Variants in CAMTA1 observed in about 807,000 individuals in gnomAD.
CAMTA1 encodes calmodulin binding transcription activator 1.
A neutral mutation model predicts 170.9 loss-of-function variants in CAMTA1; 27 were observed. That is an observed-to-expected ratio of 0.16 (90% CI 0.12 to 0.22). The LOEUF is 0.22. Among genes scored for constraint, CAMTA1 ranks in the 10% least tolerant of loss-of-function variants. The pLI, the probability that CAMTA1 is intolerant of heterozygous loss-of-function variation, is 1.00. For synonymous variants in CAMTA1, 833 were observed against 891.5 expected, an observed-to-expected ratio of 0.93 and a Z score of 1.17; for missense variants, 1,619 against 2,217.2, an observed-to-expected ratio of 0.73 and a Z score of 5.42.
At chr1:7,725,566 T>C (rs2096679407) in intron 11 of CAMTA1, among the ~76,000 whole-genome samples, 1 of 152,252 alleles carries the variant, frequency 6.6e-6, no homozygotes, top group Admixed American at 6.5e-5. Flanking sequence ...TCTCTGCTTC[T>C]GTTTGAGCAG....
At position 7,680,807 on chromosome 1, in the gene CAMTA1, GC is replaced by G. The variant is rs200936061; in HGVS notation, c.2914+3076del. Among the ~76,000 whole-genome samples the G allele has an allele frequency of 9.0e-4, 87 of 96,316 alleles. 1 individual carries two copies. In the East Asian group the frequency reaches 0.021, roughly 23 times the overall value. The allele number at this position is 96,316 out of a possible 152,430, so 63.2% of individuals were successfully genotyped here. On this transcript the variant is annotated intron_variant, in intron 11 of 22. Coordinates refer to ENST00000303635, the MANE Select transcript of CAMTA1 (RefSeq NM_015215.4). This position sits in a 1 kb window ranked among gnomAD's most constrained non-coding sequence, Gnocchi z 4.4. ...CATGAATTTGTTTGCTTGGCTAAAG[GC>G]CGGGGGGGGGCGTGGGTCCGGGGCG...
At chr1:7,624,144 A>C (rs1403496329) in intron 6 of CAMTA1, among the ~76,000 whole-genome samples, 1 of 152,222 alleles carries the variant, frequency 6.6e-6, no homozygotes, top group Non-Finnish European at 1.5e-5. Flanking sequence ...AGCCGTGGTA[A>C]GACCTAAAAA....
intron 3 of CAMTA1, among the ~76,000 whole-genome samples, chr1:6,997,494 C>A (rs1456150742): frequency 6.6e-6 from 1 of 152,066 alleles, no homozygotes; most frequent in Non-Finnish European, 1.5e-5. Flanking sequence ...GCTCTTCGGG[C>A]AGCCTCTCAA....
At chr1:7,276,799 A>G (rs890640019) in intron 5 of CAMTA1, among the ~76,000 whole-genome samples, 6 of 152,230 alleles carry the variant, frequency 3.9e-5, no homozygotes, top group Non-Finnish European at 7.3e-5. Context: ...TGCAGACAAC[A>G]TGATCATGTG....
At chr1:7,672,628 G>C (rs554376028) in intron 10 of CAMTA1, among the ~76,000 whole-genome samples, 175 of 152,166 alleles carry the variant, frequency 1.2e-3, no homozygotes, top group African/African-American at 4.0e-3. Context: ...CACCATGTTG[G>C]CCAGGCTGGT....
intron 6 of CAMTA1, among the ~76,000 whole-genome samples, chr1:7,630,303 C>T (rs2095660711): frequency 6.6e-6 from 1 of 152,182 alleles, no homozygotes; most frequent in Non-Finnish European, 1.5e-5. Flanking sequence ...TTTATCTGCT[C>T]AGCGAGAGTG....
intron 3 of CAMTA1, among the ~76,000 whole-genome samples, chr1:6,932,656 C>T (rs1204963410): frequency 6.6e-6 from 1 of 152,188 alleles, no homozygotes; most frequent in African/African-American, 2.4e-5. Flanking sequence ...GCCAACCCTT[C>T]CTACGGTCAG....
At chr1:7,384,044 C>T (rs1416162199) in intron 5 of CAMTA1, among the ~76,000 whole-genome samples, 1 of 152,190 alleles carries the variant, frequency 6.6e-6, no homozygotes, top group African/African-American at 2.4e-5. Context: ...CGGGACTGGG[C>T]TGCCACGCCC....
At position 6,965,036 on chromosome 1, in the gene CAMTA1, G is replaced by A. The variant is rs1418654092; in HGVS notation, c.235-126268G>A. Among the ~76,000 whole-genome samples, 1 of 152,232 alleles carries A rather than the reference G, an allele frequency of 6.6e-6. No individual in the cohort carries two copies. Among genetic ancestry groups the A allele is most frequent in the Non-Finnish European group, 1.5e-5 (1 of 68,038 alleles). On this transcript the variant is annotated intron_variant, in intron 3 of 22. Transcript: ENST00000303635. The surrounding 1 kb of genome is among the most constrained non-coding windows in gnomAD (Gnocchi z 4.1). ...ACTTAGAGTCTGTGCTAACAGAGAGGGAGGGTCTTGTCTGGGAGACTTGCC... is the reference window on the plus strand; with the variant it reads ...ACTTAGAGTCTGTGCTAACAGAGAGAGAGGGTCTTGTCTGGGAGACTTGCC...
intron 5 of CAMTA1, among the ~76,000 whole-genome samples, chr1:7,424,859 GATA>G (rs1250193964): frequency 6.6e-6 from 1 of 152,074 alleles, no homozygotes; most frequent in Non-Finnish European, 1.5e-5. Flanking sequence ...CTGACATAAA[GATA>G]ATAATGTGTG....
rs910855259 is a variant in CAMTA1 at position 7,413,669 on chromosome 1, G to C, written c.439-54161G>C. On this transcript the variant is annotated intron_variant, in intron 5 of 22. Coordinates refer to ENST00000303635, the MANE Select transcript of CAMTA1 (RefSeq NM_015215.4). ...AGGAGATTTTGGGCTGAGACAATGG[G>C]GTTTTCTAGATATACAATCATGTCA... 4.6e-5 allele frequency among the ~76,000 whole-genome samples: 7 copies of C among 152,150 alleles called. 1 individual carries two copies. In the East Asian group the frequency reaches 1.2e-3, roughly 25 times the overall value.
At chr1:7,639,023 G>T (rs2095738869) in intron 6 of CAMTA1, among the ~76,000 whole-genome samples, 1 of 152,180 alleles carries the variant, frequency 6.6e-6, no homozygotes, top group South Asian at 2.1e-4. Flanking sequence ...CTGTTGCCCA[G>T]GCTGGAGTGC....
intron 5 of CAMTA1, among the ~76,000 whole-genome samples, chr1:7,272,065 G>T (rs545786077): frequency 8.5e-4 from 129 of 151,900 alleles, no homozygotes; most frequent in Middle Eastern, 6.8e-3. Flanking sequence ...TAGAAGAGGA[G>T]GGAACATTTC....
rs963389603 is a variant in CAMTA1 at position 7,240,340 on chromosome 1, T to C, written c.303-9151T>C. On this transcript the variant is annotated intron_variant, in intron 4 of 22. Transcript: ENST00000303635. ...TTTTCTTTTTTTATTTTTTTAGTTT[T>C]CAAAATAATGTATTGGGTCACTAGC... 4.6e-5 allele frequency among the ~76,000 whole-genome samples: 7 copies of C among 152,288 alleles called. No individual in the cohort carries two copies. In the East Asian group the frequency reaches 9.7e-4, roughly 21 times the overall value.
At chr1:7,716,134 G>T (rs997054258) in intron 11 of CAMTA1, among the ~76,000 whole-genome samples, 2 of 152,170 alleles carry the variant, frequency 1.3e-5, no homozygotes, top group Non-Finnish European at 2.9e-5. Context: ...CTGGGCTCAC[G>T]TGATCCCCCC....
intron 6 of CAMTA1, among the ~76,000 whole-genome samples, chr1:7,533,208 C>G (rs2150056745): frequency 6.6e-6 from 1 of 152,288 alleles, no homozygotes. Flanking sequence ...CCGGATGGGT[C>G]CCGAGCCTCC....
rs184007994 is a variant in CAMTA1 at position 7,371,507 on chromosome 1, G to A, written c.439-96323G>A. ...ACTCCTGACCTCAGGTGATCTGCCC[G>A]CCTCGGCCTCCCAAAGTGCCGGGAT... On this transcript the variant is annotated intron_variant, in intron 5 of 22. Coordinates refer to ENST00000303635, the MANE Select transcript of CAMTA1 (RefSeq NM_015215.4). Among the ~76,000 whole-genome samples, 403 of 152,166 alleles carry A rather than the reference G, an allele frequency of 2.6e-3. 1 individual carries two copies. The highest frequency in any genetic ancestry group is 4.5e-3 in the Non-Finnish European group (307 of 67,988).
chr1:7,443,929 TC>T lies in CAMTA1; in HGVS notation c.439-23897del, dbSNP rs35996560. The stretch of plus-strand genomic sequence containing the variant: ...CTGGACACAGGACCAGGAAATGCCA[TC>T]CCCAGTCTTGTTGGGCTCAGACATT... On this transcript the variant is annotated intron_variant, in intron 5 of 22. Coordinates refer to ENST00000303635, the MANE Select transcript of CAMTA1 (RefSeq NM_015215.4). The surrounding 1 kb of genome is among the most constrained non-coding windows in gnomAD (Gnocchi z 4.1). Among the ~76,000 whole-genome samples the T allele has an allele frequency of 1.3e-5, 2 of 151,454 alleles. No homozygotes were observed. Among genetic ancestry groups the T allele is most frequent in the African/African-American group, 4.8e-5 (2 of 41,328 alleles).
chr1:7,148,984 C>T (rs1646402394), intron 4 of CAMTA1, among the ~76,000 whole-genome samples: 1 of 152,214 alleles, frequency 6.6e-6, no homozygotes, highest in Non-Finnish European at 1.5e-5. Flanking sequence ...GTCAGGGGTG[C>T]GTGTGTCCAG....
Sources: allele counts gnomAD v4.1 joint callset (sites outside exome capture counted in the v4.1 genomes callset), GRCh38; gene constraint gnomAD v4.1.1; non-coding constraint Gnocchi (gnomAD v3.1); transcripts MANE v1.5; gene names NCBI Gene and HGNC (gene_info 2026-07-23, HGNC 2026-07-21).